The following ASF1B variants were observed in gnomAD, a reference collection of about 807,000 sequenced individuals.
ASF1B encodes histone chaperone ASF1B.
In ASF1B, 10 loss-of-function variants were observed where a neutral mutation model predicts 16.6. That is an observed-to-expected ratio of 0.60 (90% CI 0.37 to 1.02). The LOEUF (loss-of-function observed/expected upper bound fraction) is 1.02. Among genes scored for constraint, ASF1B ranks in the 50% least tolerant of loss-of-function variants. The pLI is 0.01. For synonymous variants in ASF1B, 101 were observed against 106.2 expected, an observed-to-expected ratio of 0.95 and a Z score of 0.30; for missense variants, 240 against 266.0, an observed-to-expected ratio of 0.90 and a Z score of 0.68.
intron 2 of ASF1B, 39 bp downstream of exon 2, chr19:14,126,082 AG>A: frequency 2.1e-6 from 3 of 1,441,108 alleles, no homozygotes; most frequent in Non-Finnish European, 9.4e-7. Context: ...GGATGTTTCT[AG>A]GAATCAAGGG....
rs549023648 is a variant in ASF1B at position 14,129,678 on chromosome 19, C to CAAAAA, written c.110-3446_110-3442dup. 2.9e-3 allele frequency among the ~76,000 whole-genome samples: 100 copies of CAAAAA among 34,592 alleles called. 2 individuals are homozygous for CAAAAA. The highest frequency in any genetic ancestry group is 3.5e-3 in the Non-Finnish European group (74 of 20,968). 22.7% of individuals were successfully genotyped at this position (34,592 alleles called of 152,430 possible). A position where few individuals can be genotyped will look rare whatever the true frequency, so the allele number is the denominator to read the frequency against. ...CCTGGGCAACAGAGCCAGCCTCCGTCAAAAAAAAAAAAAAAAAAAAAAAAA... is the reference window on the plus strand; with the variant it reads ...CCTGGGCAACAGAGCCAGCCTCCGTCAAAAAAAAAAAAAAAAAAAAAAAAAAAAAA... On this transcript the variant is annotated intron_variant, in intron 1 of 3. Transcript: ENST00000263382.
chr19:14,126,001 G>A, intron 2 of ASF1B, 121 bp downstream of exon 2: 1 of 727,276 alleles, frequency 1.4e-6, no homozygotes, highest in Non-Finnish European at 2.2e-6. Flanking sequence ...GGGTCTATAG[G>A]CGTGAGCCCG....
chr19:14,134,408 C>T (rs1048221389), intron 1 of ASF1B, among the ~76,000 whole-genome samples: 6 of 152,120 alleles, frequency 3.9e-5, no homozygotes, highest in Admixed American at 3.9e-4. Context: ...CCACATCTCA[C>T]TCTATCAGCT....
At position 14,133,560 on chromosome 19, in the gene ASF1B, C is replaced by T. The variant is rs371147384; in HGVS notation, c.109+2788G>A. Among the ~76,000 whole-genome samples the T allele has an allele frequency of 2.6e-5, 4 of 151,298 alleles. No individual in the cohort carries two copies. The South Asian group carries it at 6.2e-4, about 24-fold the overall frequency. On this transcript the variant is annotated intron_variant, in intron 1 of 3. Transcript: ENST00000263382. ...GCAGGCACCTGTAATCCCAGCTGCT[C>T]GGGAGGCTGAGGCAGGAGAATCGCT...
chr19:14,136,333 C>CA lies in ASF1B; in HGVS notation c.109+14dup. On this transcript the variant is annotated intron_variant, in intron 1 of 3. Coordinates refer to ENST00000263382, the MANE Select transcript of ASF1B (RefSeq NM_018154.3). The stretch of plus-strand genomic sequence containing the variant: ...CGGCCCGGGGGTGGGGGTCCCCGCA[C>CA]AGGCCCAGCCTCACCGTCCGCCAGG... The CA allele has an allele frequency of 6.2e-7, 1 of 1,605,190 alleles. No individual in the cohort carries two copies. Among genetic ancestry groups the CA allele is most frequent in the African/African-American group, 1.3e-5 (1 of 74,800 alleles).
At chr19:14,134,214 C>G (rs1442276103) in intron 1 of ASF1B, among the ~76,000 whole-genome samples, 1 of 152,144 alleles carries the variant, frequency 6.6e-6, no homozygotes, top group African/African-American at 2.4e-5. Flanking sequence ...CTCCTCCTGG[C>G]TTTTAAATTA....
At chr19:14,121,429 G>A (rs1222886889) in intron 3 of ASF1B, 103 bp downstream of exon 3, 2 of 1,316,304 alleles carry the variant, frequency 1.5e-6, no homozygotes, top group East Asian at 4.6e-5. Flanking sequence ...AATATTACTT[G>A]AAAACCTTAA....
chr19:14,135,580 G>C (rs1367078415), intron 1 of ASF1B, among the ~76,000 whole-genome samples: 1 of 152,192 alleles, frequency 6.6e-6, no homozygotes, highest in African/African-American at 2.4e-5. Flanking sequence ...TGGCAGGTTG[G>C]GGAGGGGACT....
intron 2 of ASF1B, among the ~76,000 whole-genome samples, chr19:14,124,297 G>A (rs547795697): frequency 1.3e-5 from 2 of 152,106 alleles, no homozygotes; most frequent in Non-Finnish European, 2.9e-5. Context: ...GGGACGACAG[G>A]TGCAAGCCAC....
chr19:14,124,628 A>C (rs1193290164), intron 2 of ASF1B, among the ~76,000 whole-genome samples: 4 of 152,098 alleles, frequency 2.6e-5, no homozygotes, highest in Non-Finnish European at 4.4e-5. Flanking sequence ...GCAGGGAAAA[A>C]CTGGAGTTAC....
At position 14,122,282 on chromosome 19, in the gene ASF1B, G is replaced by C. The variant is rs539602680; in HGVS notation, c.226-574C>G. 5.3e-5 allele frequency among the ~76,000 whole-genome samples: 8 copies of C among 151,976 alleles called. No homozygotes were observed. The East Asian group carries it at 1.6e-3, about 29-fold the overall frequency. ...GGATTTCACCATGTTGGCCAGGCTG[G>C]TCTTAAACTCCTGACTTCAGGTGAT... is the stretch of plus-strand genomic sequence containing the variant. On this transcript the variant is annotated intron_variant, in intron 2 of 3. Transcript: ENST00000263382.
rs371602937 is a variant in ASF1B, at chr19:14,121,640, G to A, written c.294C>T (p.Thr98=). Residue 98 remains threonine (T), a synonymous_variant, in exon 3 of 4, where the codon ACC becomes ACT. Transcript: ENST00000263382. ...TGAACTCCTGTCCATGGTAGGTGCA[G>A]GTGATGAGGACCACAGTCACACCCA... ...DAVGVTVVLI[T]CTYHGQEFIR... 1 of 1,613,886 alleles carries A rather than the reference G, an allele frequency of 6.2e-7. No individual in the cohort carries two copies. Among genetic ancestry groups the A allele is most frequent in the African/African-American group, 1.3e-5 (1 of 74,874 alleles).
intron 1 of ASF1B, among the ~76,000 whole-genome samples, chr19:14,133,488 T>C (rs1967437607): frequency 6.6e-6 from 1 of 151,960 alleles, no homozygotes; most frequent in Non-Finnish European, 1.5e-5. Context: ...GCCAAGATGG[T>C]GAAACCCCGT....
Position 14,126,249 on chromosome 19 carries a change from T to C in ASF1B, c.110-12A>G, listed in dbSNP as rs918502510. 8.2e-6 allele frequency: 13 copies of C among 1,591,756 alleles called. No homozygotes were observed. The highest frequency in any genetic ancestry group is 3.3e-5 in the Admixed American group (2 of 59,936). ...CTTCCACTCCAGGTCTGCAAAGATATAGGAGGGTTAACTAATTGAAATAGC... is the reference window on the plus strand; with the variant it reads ...CTTCCACTCCAGGTCTGCAAAGATACAGGAGGGTTAACTAATTGAAATAGC... On this transcript the variant is annotated splice_polypyrimidine_tract_variant and intron_variant, in intron 1 of 3. Coordinates refer to ENST00000263382, the MANE Select transcript of ASF1B (RefSeq NM_018154.3).
intron 2 of ASF1B, among the ~76,000 whole-genome samples, chr19:14,122,737 C>T (rs1031039745): frequency 1.3e-5 from 2 of 152,088 alleles, no homozygotes; most frequent in Admixed American, 6.6e-5. Context: ...GGGAGAGGTG[C>T]GTGGTACTCT....
In ASF1B at chr19:14,120,627, G is replaced by C; in HGVS notation, c.441C>G (p.Thr147=). The C allele has an allele frequency of 6.2e-7, 1 of 1,614,048 alleles. No homozygotes were observed. Among genetic ancestry groups the C allele is most frequent in the Non-Finnish European group, 8.5e-7 (1 of 1,180,012 alleles). ...RNILASNPRV[T]RFHINWDNNM... is the part of the protein sequence containing the mutation. Reference sequence around the variant, plus strand: ...TGTTGTCCCAGTTGATATGGAAGCGGGTCACCCGGGGGTTCGAGGCCAAGA... The same window carrying C: ...TGTTGTCCCAGTTGATATGGAAGCGCGTCACCCGGGGGTTCGAGGCCAAGA... The change falls in exon 4 of 4, where the codon ACC becomes ACG. Residue 147 remains threonine (T), a synonymous_variant. Transcript: ENST00000263382.
intron 2 of ASF1B, among the ~76,000 whole-genome samples, chr19:14,124,804 T>G (rs1440566678): frequency 4.6e-5 from 7 of 152,154 alleles, no homozygotes. Flanking sequence ...GTTGGTGAGT[T>G]TGCTGTCTAT....
chr19:14,129,122 C>T (rs563918946), intron 1 of ASF1B, among the ~76,000 whole-genome samples: 1 of 152,162 alleles, frequency 6.6e-6, no homozygotes, highest in Non-Finnish European at 1.5e-5. Flanking sequence ...GGTGTGGTGG[C>T]GCGTGCCGGT....
chr19:14,120,722 A>G, intron 3 of ASF1B, 57 bp from the exon 4 acceptor site: 11 of 1,551,394 alleles, frequency 7.1e-6, no homozygotes, highest in Non-Finnish European at 3.5e-6. Context: ...TTGGTCCCAT[A>G]GAGCCAGGAC....
Sources: allele counts gnomAD v4.1 joint callset (sites outside exome capture counted in the v4.1 genomes callset), GRCh38; gene constraint gnomAD v4.1.1; transcripts MANE v1.5; gene names NCBI Gene and HGNC (gene_info 2026-07-23, HGNC 2026-07-21).